Variants in CGN observed in about 807,000 individuals in gnomAD.
CGN encodes the protein cingulin.
In CGN, 121 loss-of-function variants were observed where a neutral mutation model predicts 157.1. The observed-to-expected ratio is 0.77, with a 90% confidence interval of 0.66 to 0.90. The LOEUF (loss-of-function observed/expected upper bound fraction) is 0.90, where lower values mean the gene tolerates loss of function less well. Among genes scored for constraint, CGN ranks in the 40% least tolerant of loss-of-function variants. CGN has a pLI of 0.00. For synonymous variants in CGN, 535 were observed against 607.5 expected (o/e 0.88, Z 1.76); for missense variants, 1,424 against 1,520.9 (o/e 0.94, Z 1.06).
chr1:151,535,557 C>T, intron 16 of CGN, 43 bp from the exon 17 acceptor site: 2 of 1,499,930 alleles, frequency 1.3e-6, no homozygotes, highest in South Asian at 1.1e-5. Flanking sequence ...CTGGTTCATC[C>T]TTAGCCCTCC....
At position 151,530,735 on chromosome 1, in the gene CGN, C is replaced by T. The variant is rs1017964179; in HGVS notation, c.2560C>T (p.Leu854=). 28 of 1,552,084 alleles carry T rather than the reference C, an allele frequency of 1.8e-5. No individual in the cohort carries two copies. The highest frequency in any genetic ancestry group is 2.4e-5 in the Non-Finnish European group (28 of 1,147,220). Reference sequence around the variant, plus strand: ...TTTGCTGGACAGGACTGTGGACCGACTGAACAAGGAGGTGGGGCATGGGGT... The same window carrying T: ...TTTGCTGGACAGGACTGTGGACCGATTGAACAAGGAGGTGGGGCATGGGGT... ...KRLLDRTVDR[L]NKELEKIGED... is the part of the protein sequence containing the mutation. Residue 854 remains leucine (L), a synonymous_variant, in exon 13 of 21, where the codon CTG becomes TTG. Coordinates refer to ENST00000271636, the MANE Select transcript of CGN (RefSeq NM_020770.3).
rs1664796408 is a variant in CGN, at chr1:151,530,044, G to A, written c.2242G>A (p.Glu748Lys). ...CCTGGGTTTGGAGCAGCAGCTGAAG[G>A]AGACTCGAGGTCTGGTGGATGGTGG... ...RILGLEQQLK[E>K]TRGLVDGGEA... Residue 748 changes from glutamate to lysine, a missense_variant, in exon 12 of 21, where the codon GAG (glutamate) becomes AAG (lysine). Glu to Lys is a moderately conservative substitution (Grantham distance 56). Coordinates refer to ENST00000271636, the MANE Select transcript of CGN (RefSeq NM_020770.3). The A allele has an allele frequency of 1.9e-6, 3 of 1,614,066 alleles. No individual in the cohort carries two copies. The highest frequency in any genetic ancestry group is 1.3e-5 in the African/African-American group (1 of 74,904).
At chr1:151,518,443 A>G in intron 1 of CGN, 63 bp from the exon 2 acceptor site, 1 of 1,387,766 alleles carries the variant, frequency 7.2e-7, no homozygotes, top group Non-Finnish European at 9.8e-7. Flanking sequence ...GTCAGCCCGC[A>G]GGTAGAAGTT....
At chr1:151,533,521 G>A (rs530723859) in intron 14 of CGN, among the ~76,000 whole-genome samples, 36 of 147,090 alleles carry the variant, frequency 2.4e-4, no homozygotes, top group African/African-American at 9.1e-4. Flanking sequence ...GAGGGCAGGT[G>A]CAGTGGCTCT....
rs200381688 is a variant in CGN, at chr1:151,521,838, C to CA, written c.1140+1156dup. ...GGGCAACAAGAGTGAAACTCTTTCTCAAAAAAAAAGCATTTCCCAGAGTCT... is the reference window on the plus strand; with the variant it reads ...GGGCAACAAGAGTGAAACTCTTTCTCAAAAAAAAAAGCATTTCCCAGAGTCT... On this transcript the variant is annotated intron_variant, in intron 5 of 20. Coordinates refer to ENST00000271636, the MANE Select transcript of CGN (RefSeq NM_020770.3). 7.0e-3 allele frequency among the ~76,000 whole-genome samples: 1,042 copies of CA among 148,978 alleles called. 15 individuals are homozygous for CA. The highest frequency in any genetic ancestry group is 0.021 in the African/African-American group (857 of 40,510).
At position 151,537,491 on chromosome 1, in the gene CGN, A is replaced by T. The variant is rs1571673620; in HGVS notation, c.*145A>T. On this transcript the variant is annotated 3_prime_UTR_variant, in exon 21 of 21. Transcript: ENST00000271636. Reference sequence around the variant, plus strand: ...AGGGAGGGGTCAGAGTGATGGTGATAAAAAAAAAAAATCATCAGCAATAAG... The same window carrying T: ...AGGGAGGGGTCAGAGTGATGGTGATTAAAAAAAAAAATCATCAGCAATAAG... 6.3e-5 allele frequency: 19 copies of T among 303,548 alleles called. No homozygotes were observed. The East Asian group carries it at 9.7e-4, about 16-fold the overall frequency. The allele number at this position is 303,548 out of a possible 1,614,324, so 18.8% of individuals were successfully genotyped here. A position where few individuals can be genotyped will look rare whatever the true frequency, so the allele number is the denominator to read the frequency against.
At chr1:151,520,718 G>A (rs773917702) in intron 5 of CGN, 27 bp downstream of exon 5, 98 of 1,590,856 alleles carry the variant, frequency 6.2e-5, no homozygotes, top group South Asian at 4.1e-4. Context: ...GGTGCCGGAG[G>A]CATGAAGGAA....
chr1:151,529,876 G>A, intron 11 of CGN, 33 bp from the exon 12 acceptor site: 1 of 1,595,772 alleles, frequency 6.3e-7, no homozygotes, highest in Non-Finnish European at 8.6e-7. Context: ...CACGCCCTGG[G>A]GTCTGAGCTG....
intron 15 of CGN, chr1:151,534,598 A>G: frequency 4.2e-6 from 1 of 240,588 alleles, no homozygotes; most frequent in Non-Finnish European, 8.1e-6. Flanking sequence ...GAACTTGTCC[A>G]TGGTCTACTG....
chr1:151,513,672 A>G (rs188327845), intron 1 of CGN, among the ~76,000 whole-genome samples: 10 of 152,204 alleles, frequency 6.6e-5, no homozygotes, highest in African/African-American at 9.6e-5. Flanking sequence ...AGAAGTCCAG[A>G]TACCCTGTCA....
rs143545092 is a variant in CGN, at chr1:151,519,114, C to T, written c.595C>T (p.Arg199Cys). The stretch of plus-strand genomic sequence containing the variant: ...AGGCCAGGCCCGGGGTCGGACTGGC[C>T]GCCGAACACGGATGCTACCCCCTGA... ...LGGQARGRTGRRTRMLPPEQR... is the reference protein window; with the variant it reads ...LGGQARGRTGCRTRMLPPEQR... Residue 199 changes from arginine (R) to cysteine (C), a missense_variant, in exon 2 of 21, where the codon CGC (arginine) becomes TGC (cysteine). Physicochemically the swap from Arg to Cys is radical, Grantham distance 180. Around this residue, in one of 3 missense-constraint regions of CGN, gnomAD observed 1,187 missense variants for 1,217.6 expected, o/e 0.97. Transcript: ENST00000271636. 76 of 1,614,024 alleles carry T rather than the reference C, an allele frequency of 4.7e-5. No homozygotes were observed. In the African/African-American group the frequency reaches 7.6e-4, roughly 16 times the overall value.
intron 8 of CGN, 80 bp from the exon 9 acceptor site, chr1:151,525,562 T>C (rs1664654603): frequency 3.1e-6 from 4 of 1,276,590 alleles, no homozygotes; most frequent in Non-Finnish European, 4.2e-6. Flanking sequence ...TCTAAGCCTT[T>C]CCTTGTACAC....
Position 151,534,142 on chromosome 1 carries a change from G to A in CGN, c.2904+6G>A, listed in dbSNP as rs1664907937. 6.4e-6 allele frequency: 10 copies of A among 1,572,368 alleles called. No individual in the cohort carries two copies. The highest frequency in any genetic ancestry group is 8.6e-6 in the Non-Finnish European group (10 of 1,158,610). On this transcript the variant is annotated splice_donor_region_variant and intron_variant, in intron 15 of 20. Coordinates refer to ENST00000271636, the MANE Select transcript of CGN (RefSeq NM_020770.3). ...GGCAGCTGAAGGGTCTCGAGGTGAG[G>A]GCACTGAGGTGTGACCTGTGGAAAA...
At position 151,519,024 on chromosome 1, in the gene CGN, A is replaced by C. The variant is rs761066980; in HGVS notation, c.505A>C (p.Thr169Pro). The C allele has an allele frequency of 1.1e-5, 17 of 1,614,064 alleles. No homozygotes were observed. The highest frequency in any genetic ancestry group is 1.0e-4 in the Admixed American group (6 of 60,002). Residue 169 changes from threonine to proline, a missense_variant, in exon 2 of 21, where the codon ACC becomes CCC. Coordinates refer to ENST00000271636, the MANE Select transcript of CGN (RefSeq NM_020770.3). The stretch of plus-strand genomic sequence containing the variant: ...CCCGAAAGTGGCTTCCCCAGGTAGC[A>C]CCATTGACACTGCTCCCCTGTCTTC... ...LAPKVASPGSTIDTAPLSSVD... is the reference protein window; with the variant it reads ...LAPKVASPGSPIDTAPLSSVD...
At chr1:151,530,425 C>T in intron 12 of CGN, 64 bp from the exon 13 acceptor site, 5 of 1,500,570 alleles carry the variant, frequency 3.3e-6, no homozygotes, top group Non-Finnish European at 4.4e-6. Context: ...AGCTACCCAC[C>T]TCCAAATGAC....
At chr1:151,513,956 G>T (rs1207681232) in intron 1 of CGN, among the ~76,000 whole-genome samples, 1 of 152,066 alleles carries the variant, frequency 6.6e-6, no homozygotes, top group African/African-American at 2.4e-5. Context: ...GCAGGCCCTG[G>T]ACTCCATGTT....
rs781379893 is a variant in CGN at position 151,529,937 on chromosome 1, C to CAGTGCTG, written c.2136_2142dup (p.Gly715SerfsTer21). On this transcript the variant is annotated frameshift_variant, in exon 12 of 21. Coordinates refer to ENST00000271636, the MANE Select transcript of CGN (RefSeq NM_020770.3). LOFTEE classifies it high-confidence loss of function. ...AAGATGGTGGCCGAGGCAGAGGCAA[C>CAGTGCTG]AGTGCTGGGGCAGCGGCGGGCCGCA... The CAGTGCTG allele has an allele frequency of 3.0e-5, 49 of 1,613,958 alleles. No individual in the cohort carries two copies. Among genetic ancestry groups the CAGTGCTG allele is most frequent in the Non-Finnish European group, 4.1e-5 (48 of 1,179,976 alleles).
rs1664281972 is a variant in CGN, at chr1:151,511,392, G to C, written c.-138G>C. On this transcript the variant is annotated 5_prime_UTR_variant, in exon 1 of 21. Coordinates refer to ENST00000271636, the MANE Select transcript of CGN (RefSeq NM_020770.3). This position sits in a 1 kb window ranked among gnomAD's most constrained non-coding sequence, Gnocchi z 4.8. ...TGGTGGGAGGGAGAGAAAGGAGGGAGCTCCGAGGACGAGGGGGAGGGCCGG... is the reference window on the plus strand; with the variant it reads ...TGGTGGGAGGGAGAGAAAGGAGGGACCTCCGAGGACGAGGGGGAGGGCCGG... 1 of 155,716 alleles carries C rather than the reference G, an allele frequency of 6.4e-6. No individual in the cohort carries two copies. The highest frequency in any genetic ancestry group is 3.3e-3 in the Middle Eastern group (1 of 300). 9.6% of individuals were successfully genotyped at this position (155,716 alleles called of 1,614,324 possible). A position where few individuals can be genotyped will look rare whatever the true frequency, so the allele number is the denominator to read the frequency against.
intron 15 of CGN, 150 bp from the exon 16 acceptor site, chr1:151,534,892 G>A: frequency 3.2e-6 from 2 of 628,152 alleles, no homozygotes; most frequent in Non-Finnish European, 5.7e-6. Flanking sequence ...TGGCTCCATA[G>A]TGGCTCTGGG....
Sources: gnomAD v4.1 joint callset for allele counts (sites outside exome capture counted in the v4.1 genomes callset) on GRCh38, gnomAD v4.1.1 for gene constraint, gnomAD v4.1.1 regional missense constraint, Gnocchi (gnomAD v3.1) non-coding constraint, MANE v1.5 for transcripts, NCBI Gene and HGNC (gene_info 2026-07-23, HGNC 2026-07-21) for gene names.